PPP2R3A: variants seen among roughly 807,000 people sequenced by gnomAD.
The protein encoded by PPP2R3A is serine/threonine-protein phosphatase 2A regulatory subunit B'' subunit alpha.
PPP2R3A carries 80 observed loss-of-function variants against 106.9 expected under a neutral mutation model. The ratio of observed to expected loss-of-function variants is 0.75; its 90% confidence interval spans 0.62 to 0.90. The LOEUF (loss-of-function observed/expected upper bound fraction) is 0.90. Among genes scored for constraint, PPP2R3A ranks in the 40% least tolerant of loss-of-function variants. The pLI is 0.00. For synonymous variants in PPP2R3A, 483 were observed against 468.3 expected (o/e 1.03, Z -0.41); for missense variants, 1,386 against 1,350.4 (o/e 1.03, Z -0.41).
chr3:136,005,512 T>C (rs1933811114), intron 2 of PPP2R3A, among the ~76,000 whole-genome samples: 1 of 152,230 alleles, frequency 6.6e-6, no homozygotes. Flanking sequence ...TCTGTGAAAT[T>C]ACTTTGTGTG....
chr3:136,136,066 A>AT (rs1938604598), intron 13 of PPP2R3A, among the ~76,000 whole-genome samples: 7 of 34,248 alleles, frequency 2.0e-4, no homozygotes, highest in East Asian at 8.5e-3. Context: ...AAAAAAAAAA[A>AT]AAAAAAATTA....
At chr3:136,088,964 T>C (rs780543942) in intron 9 of PPP2R3A, among the ~76,000 whole-genome samples, 6 of 152,194 alleles carry the variant, frequency 3.9e-5, no homozygotes, top group Non-Finnish European at 7.3e-5. Context: ...TTAAGTTCGA[T>C]ATAGAGTCTG....
At position 136,033,393 on chromosome 3, in the gene PPP2R3A, G is replaced by A. The variant is rs368614489; in HGVS notation, c.2262+6295G>A. Among the ~76,000 whole-genome samples the A allele has an allele frequency of 5.1e-4, 77 of 152,210 alleles. 1 individual carries two copies. The highest frequency in any genetic ancestry group is 1.1e-3 in the African/African-American group (45 of 41,526). On this transcript the variant is annotated intron_variant, in intron 3 of 13. Transcript: ENST00000264977. ...CTGGTTTTGGTATTAGGGTGATGCC[G>A]GCTTCATAGAATGAATTAGGGAGGG...
rs1029235607 is a variant in PPP2R3A, at chr3:136,078,554, A to C, written c.2631+101A>C. The C allele has an allele frequency of 2.3e-5, 17 of 740,734 alleles. No individual in the cohort carries two copies. In the Admixed American group the frequency reaches 3.8e-4, roughly 17 times the overall value. The allele number at this position is 740,734 out of a possible 1,614,324, so 45.9% of individuals were successfully genotyped here. On this transcript the variant is annotated intron_variant, in intron 7 of 13. Coordinates refer to ENST00000264977, the MANE Select transcript of PPP2R3A (RefSeq NM_002718.5). ...CGCTTACTCTATTCAAAGCACTGTC[A>C]CTACTTTCAGTCATTAAGCATTTAT...
chr3:136,015,323 T>A (rs13097267), intron 2 of PPP2R3A, among the ~76,000 whole-genome samples: 54,419 of 151,858 alleles, frequency 0.36, 11,489 homozygotes, highest in African/African-American at 0.59. Flanking sequence ...AGGGTGATAC[T>A]GGCTTCATAG....
At position 136,082,363 on chromosome 3, in the gene PPP2R3A, A is replaced by G. The variant is rs1173524182; in HGVS notation, c.2730A>G (p.Leu910=). 4.3e-6 allele frequency: 7 copies of G among 1,613,310 alleles called. No individual in the cohort carries two copies. The East Asian group carries it at 6.7e-5, about 15-fold the overall frequency. ...FYVIYCKFWE[L]DTDHDLYISQ... ...TTATTTATTGTAAATTCTGGGAACT[A>G]GATACTGATCACGACCTCTACATCA... The change falls in exon 8 of 14, where the codon CTA becomes CTG. Residue 910 remains leucine, a synonymous_variant. Coordinates refer to ENST00000264977, the MANE Select transcript of PPP2R3A (RefSeq NM_002718.5).
chr3:136,122,210 C>T (rs922349588), intron 13 of PPP2R3A, among the ~76,000 whole-genome samples: 6 of 152,138 alleles, frequency 3.9e-5, no homozygotes, highest in Non-Finnish European at 7.4e-5. Context: ...AACCCCAACA[C>T]TCTGGGAAGC....
At chr3:136,069,769 T>C (rs1257138988) in intron 5 of PPP2R3A, among the ~76,000 whole-genome samples, 2 of 152,188 alleles carry the variant, frequency 1.3e-5, no homozygotes, top group Non-Finnish European at 2.9e-5. Context: ...AGCTATTTCC[T>C]CTGGTTAATT....
intron 3 of PPP2R3A, among the ~76,000 whole-genome samples, chr3:136,034,043 T>C (rs1390887041): frequency 5.4e-5 from 8 of 149,482 alleles, no homozygotes; most frequent in African/African-American, 2.0e-4. Context: ...CTTTTTCTTT[T>C]TTTTTTTTTT....
chr3:136,104,903 T>A (rs912624469), intron 12 of PPP2R3A, among the ~76,000 whole-genome samples: 9 of 152,220 alleles, frequency 5.9e-5, no homozygotes, highest in African/African-American at 2.2e-4. Flanking sequence ...TTATTTTCTT[T>A]GTGTTACCAT....
At chr3:136,042,181 T>C (rs560808685) in intron 4 of PPP2R3A, among the ~76,000 whole-genome samples, 1 of 152,348 alleles carries the variant, frequency 6.6e-6, no homozygotes, top group South Asian at 2.1e-4. Flanking sequence ...AAATGTATTC[T>C]TATTTTTAAA....
chr3:135,973,754 T>A (rs1937313325), intron 1 of PPP2R3A, among the ~76,000 whole-genome samples: 1 of 152,220 alleles, frequency 6.6e-6, no homozygotes, highest in Admixed American at 6.5e-5. Flanking sequence ...AAATGGCTAG[T>A]GATCTCACTT....
chr3:136,012,134 A>G (rs1456655603), intron 2 of PPP2R3A, among the ~76,000 whole-genome samples: 3 of 152,220 alleles, frequency 2.0e-5, no homozygotes, highest in African/African-American at 4.8e-5. Context: ...CAACATATTT[A>G]TAGGCCAAAA....
chr3:136,097,464 C>A (rs1937243422), intron 10 of PPP2R3A, among the ~76,000 whole-genome samples: 1 of 152,174 alleles, frequency 6.6e-6, no homozygotes, highest in South Asian at 2.1e-4. Flanking sequence ...GTGCTTTTGG[C>A]AAATATTCAG....
intron 1 of PPP2R3A, among the ~76,000 whole-genome samples, chr3:135,978,860 T>A (rs1264841284): frequency 1.3e-5 from 2 of 151,886 alleles, no homozygotes; most frequent in African/African-American, 4.9e-5. Context: ...AACCTGTGAT[T>A]TTCTTTACAT....
chr3:136,058,710 G>A (rs1935967900), intron 5 of PPP2R3A, among the ~76,000 whole-genome samples: 1 of 152,120 alleles, frequency 6.6e-6, no homozygotes, highest in African/African-American at 2.4e-5. Flanking sequence ...GCAATCCTAA[G>A]CAAAAAGAAC....
intron 2 of PPP2R3A, among the ~76,000 whole-genome samples, chr3:136,018,321 G>GT (rs939887774): frequency 2.6e-5 from 4 of 152,154 alleles, no homozygotes; most frequent in African/African-American, 7.2e-5. Context: ...ATATAATACT[G>GT]TTTTTTAACA....
intron 13 of PPP2R3A, among the ~76,000 whole-genome samples, chr3:136,129,971 A>G (rs979782700): frequency 6.6e-6 from 1 of 152,232 alleles, no homozygotes. Context: ...ACAGCCCTTC[A>G]TGCTAAACAC....
chr3:136,021,210 TAGTCGGGAGTGTAA>T (rs1934453428), intron 2 of PPP2R3A, among the ~76,000 whole-genome samples: 1 of 152,076 alleles, frequency 6.6e-6, no homozygotes. Context: ...AAGAGTATTC[TAGTCGGGAGTGTAA>T]GGAAAAAATA....
Sources: allele counts gnomAD v4.1 joint callset (sites outside exome capture counted in the v4.1 genomes callset), GRCh38; gene constraint gnomAD v4.1.1; transcripts MANE v1.5; gene names NCBI Gene and HGNC (gene_info 2026-07-23, HGNC 2026-07-21).